The following ZDHHC13 variants were observed in gnomAD, a reference collection of about 807,000 sequenced individuals.
ZDHHC13 encodes the protein palmitoyltransferase ZDHHC13.
A neutral mutation model predicts 86.0 loss-of-function variants in ZDHHC13; 85 were observed. The ratio of observed to expected loss-of-function variants is 0.99; its 90% CI spans 0.83 to 1.18. ZDHHC13 has a LOEUF of 1.18. ZDHHC13 is among the 50% of genes most tolerant of loss of function. The pLI, the probability that ZDHHC13 is intolerant of heterozygous loss-of-function variation, is 0.00. For missense variants in ZDHHC13, 711 were observed against 730.2 expected, an observed-to-expected ratio of 0.97 and a Z score of 0.30; for synonymous variants, 263 against 246.4, an observed-to-expected ratio of 1.07 and a Z score of -0.63.
At chr11:19,154,404 T>G (rs1192409381) in intron 8 of ZDHHC13, among the ~76,000 whole-genome samples, 1 of 152,114 alleles carries the variant, frequency 6.6e-6, no homozygotes, top group Non-Finnish European at 1.5e-5. Context: ...ACTAGCCCAT[T>G]TTGTGTCATC....
intron 4 of ZDHHC13, 107 bp downstream of exon 4, chr11:19,147,780 C>CA (rs1849506526): frequency 8.0e-6 from 6 of 754,028 alleles, no homozygotes; most frequent in Admixed American, 3.5e-5. Flanking sequence ...CTTCCCCCCC[C>CA]CCCTTTATTT....
chr11:19,164,617 A>G, intron 12 of ZDHHC13: 1 of 515,736 alleles, frequency 1.9e-6, no homozygotes, highest in East Asian at 3.3e-5. Flanking sequence ...TTTCTCTGTC[A>G]TGAAGCATAT....
chr11:19,130,410 A>G (rs1004643124), intron 1 of ZDHHC13, among the ~76,000 whole-genome samples: 10 of 152,122 alleles, frequency 6.6e-5, no homozygotes, highest in African/African-American at 2.4e-4. Context: ...TCTCTTTTTT[A>G]AACCTGATAT....
intron 8 of ZDHHC13, 30 bp from the exon 9 acceptor site, chr11:19,155,766 A>G (rs535460863): frequency 4.4e-6 from 7 of 1,602,204 alleles, no homozygotes; most frequent in Middle Eastern, 1.7e-4. Flanking sequence ...TAAAATCCAT[A>G]AAGTTCTAAA....
chr11:19,165,961 G>A (rs1432450145), intron 13 of ZDHHC13, among the ~76,000 whole-genome samples: 5 of 152,198 alleles, frequency 3.3e-5, no homozygotes, highest in African/African-American at 1.2e-4. Context: ...GGAAGAAAGA[G>A]ACAGGGTATG....
At chr11:19,174,279 T>A (rs952911477) in intron 16 of ZDHHC13, among the ~76,000 whole-genome samples, 1 of 152,214 alleles carries the variant, frequency 6.6e-6, no homozygotes, top group African/African-American at 2.4e-5. Flanking sequence ...AATTGTTTAT[T>A]TCTGGAATTT....
intron 14 of ZDHHC13, chr11:19,168,744 G>A: frequency 2.1e-6 from 2 of 945,950 alleles, no homozygotes; most frequent in African/African-American, 1.8e-5. Context: ...TATTACTAGA[G>A]CCCTGCTCTA....
chr11:19,176,057 C>G lies in ZDHHC13; in HGVS notation c.*97C>G. The G allele has an allele frequency of 1.5e-6, 2 of 1,367,310 alleles. No individual in the cohort carries two copies. Among genetic ancestry groups the G allele is most frequent in the Admixed American group, 5.6e-5 (2 of 35,880 alleles). The allele number at this position is 1,367,310 out of a possible 1,614,324, so 84.7% of individuals were successfully genotyped here. ...GTAAAGATTTAGAATTCACCTAAGT[C>G]CAAAGGAAAACACGTGGTTTTTAAA... On this transcript the variant is annotated 3_prime_UTR_variant, in exon 17 of 17. Transcript: ENST00000446113.
chr11:19,158,192 C>G (rs1050334045), intron 9 of ZDHHC13, among the ~76,000 whole-genome samples: 1 of 151,896 alleles, frequency 6.6e-6, no homozygotes, highest in African/African-American at 2.4e-5. Flanking sequence ...TTTTTTTAAC[C>G]CTTCATACCT....
upstream of ZDHHC13, chr11:19,117,121 C>G: frequency 6.0e-6 from 6 of 1,006,606 alleles, no homozygotes; most frequent in Non-Finnish European, 8.9e-6. This position sits in a 1 kb window ranked among gnomAD's most constrained non-coding sequence, Gnocchi z 4.2. Context: ...AGGGCACGAG[C>G]GGGGACCGCA....
intron 1 of ZDHHC13, among the ~76,000 whole-genome samples, chr11:19,131,082 G>C (rs552677443): frequency 6.6e-6 from 1 of 152,026 alleles, no homozygotes; most frequent in East Asian, 1.9e-4. Flanking sequence ...GCAGTGGCGC[G>C]ATCTCGGCTC....
At position 19,176,324 on chromosome 11, in the gene ZDHHC13, A is replaced by G. The variant is rs1322881212; in HGVS notation, c.*364A>G. On this transcript the variant is annotated 3_prime_UTR_variant, in exon 17 of 17. Coordinates refer to ENST00000446113, the MANE Select transcript of ZDHHC13 (RefSeq NM_019028.3). The stretch of plus-strand genomic sequence containing the variant: ...TTAAACTTGTAATTTTTGCTAAGTT[A>G]TTTGTCTTTGTTGTATCTATAAATA... The G allele has an allele frequency of 1.3e-5, 2 of 156,602 alleles. No individual in the cohort carries two copies. The highest frequency in any genetic ancestry group is 6.5e-5 in the Admixed American group (1 of 15,360). The allele number at this position is 156,602 out of a possible 1,614,324, so 9.7% of individuals were successfully genotyped here.
Position 19,145,121 on chromosome 11 carries a change from A to T in ZDHHC13, c.174-1060A>T, listed in dbSNP as rs192395953. Among the ~76,000 whole-genome samples, 25 of 152,216 alleles carry T rather than the reference A, an allele frequency of 1.6e-4. No individual in the cohort carries two copies. In the East Asian group the frequency reaches 3.9e-3, roughly 23 times the overall value. On this transcript the variant is annotated intron_variant, in intron 2 of 16. Coordinates refer to ENST00000446113, the MANE Select transcript of ZDHHC13 (RefSeq NM_019028.3). Reference sequence around the variant, plus strand: ...AAGACTCCATCTCAAAAAAAAAAAAATATTGCTAATAAATGATTTGCCTCT... The same window carrying T: ...AAGACTCCATCTCAAAAAAAAAAAATTATTGCTAATAAATGATTTGCCTCT...
At chr11:19,140,236 C>T (rs1373299217) in intron 1 of ZDHHC13, among the ~76,000 whole-genome samples, 5 of 151,748 alleles carry the variant, frequency 3.3e-5, no homozygotes, top group Admixed American at 1.3e-4. Context: ...ACAAACAACC[C>T]CATCAAAAAG....
At chr11:19,130,467 T>G (rs1332522783) in intron 1 of ZDHHC13, among the ~76,000 whole-genome samples, 3 of 152,178 alleles carry the variant, frequency 2.0e-5, no homozygotes, top group Non-Finnish European at 4.4e-5. Context: ...TGATCAAAGG[T>G]TTATCACTTT....
At chr11:19,133,368 T>TATATATATATATATATATATATAC (rs1262333450) in intron 1 of ZDHHC13, among the ~76,000 whole-genome samples, 1 of 137,780 alleles carries the variant, frequency 7.3e-6, no homozygotes, top group African/African-American at 2.6e-5. Flanking sequence ...TATATATATA[T>TATATATATATATATATATATATAC]ACCCACACAC....
At position 19,163,347 on chromosome 11, in the gene ZDHHC13, G is replaced by A; in HGVS notation, c.1153G>A (p.Val385Ile). 6.2e-7 allele frequency: 1 copy of A among 1,602,938 alleles called. No homozygotes were observed. The highest frequency in any genetic ancestry group is 1.7e-5 in the Admixed American group (1 of 58,416). Reference protein sequence around the residue: ...PFYFSFIFSIVAFLYFFYKTW... With the variant: ...PFYFSFIFSIIAFLYFFYKTW... Reference sequence around the variant, plus strand: ...CTATTTCAGTTTCATTTTCAGCATAGTAGCCTTTCTATACTTTTTCTATAA... The same window carrying A: ...CTATTTCAGTTTCATTTTCAGCATAATAGCCTTTCTATACTTTTTCTATAA... Residue 385 changes from valine (V) to isoleucine (I), a missense_variant, in exon 11 of 17, where the codon GTA becomes ATA. Physicochemically the swap from Val to Ile is conservative, Grantham distance 29. Transcript: ENST00000446113.
chr11:19,157,030 A>C (rs1210903720), intron 9 of ZDHHC13, among the ~76,000 whole-genome samples: 1 of 152,184 alleles, frequency 6.6e-6, no homozygotes, highest in Non-Finnish European at 1.5e-5. Flanking sequence ...CATCAGGCTC[A>C]TTCCCACCTG....
intron 1 of ZDHHC13, among the ~76,000 whole-genome samples, chr11:19,135,158 T>C (rs2133381351): frequency 6.6e-6 from 1 of 152,326 alleles, no homozygotes; most frequent in African/African-American, 2.4e-5. Context: ...CCATCTGAGG[T>C]ACCGGGTTCA....
Sources: gnomAD v4.1 joint callset for allele counts (sites outside exome capture counted in the v4.1 genomes callset) on GRCh38, gnomAD v4.1.1 for gene constraint, Gnocchi (gnomAD v3.1) non-coding constraint, MANE v1.5 for transcripts, NCBI Gene and HGNC (gene_info 2026-07-23, HGNC 2026-07-21) for gene names.